Variants in UTY observed in about 807,000 individuals in gnomAD.
The protein encoded by UTY is histone demethylase UTY.
A neutral mutation model predicts 32.5 loss-of-function variants in UTY; 12 were observed. The ratio of observed to expected loss-of-function variants is 0.37; its 90% CI spans 0.24 to 0.60. The LOEUF (loss-of-function observed/expected upper bound fraction) is 0.60, where lower values mean the gene tolerates loss of function less well. Among genes scored for constraint, UTY ranks in the 20% least tolerant of loss-of-function variants. The pLI is 0.69. For synonymous variants in UTY, 131 were observed against 103.4 expected, an observed-to-expected ratio of 1.27 and a Z score of -1.62; for missense variants, 303 against 299.2, an observed-to-expected ratio of 1.01 and a Z score of -0.09.
chrY:13,423,152 T>C, intron 4 of UTY, among the ~76,000 whole-genome samples: 1 of 33,032 alleles, frequency 3.0e-5, no homozygotes, highest in Non-Finnish European at 7.4e-5. Flanking sequence ...AGACAGGGTA[T>C]TGCTGAAGGC....
chrY:13,405,215 CT>C (rs2069726490), intron 6 of UTY, among the ~76,000 whole-genome samples: 1 of 32,943 alleles, frequency 3.0e-5, no homozygotes, highest in Non-Finnish European at 7.5e-5. Context: ...TATCATTTCG[CT>C]TAAAGCTGAA....
intron 27 of UTY, among the ~76,000 whole-genome samples, chrY:13,289,401 C>T (rs2057621335): frequency 2.9e-5 from 1 of 34,310 alleles, no homozygotes; most frequent in African/African-American, 1.1e-4. Context: ...AGTTAAAAAT[C>T]AGCTCATAAC....
At chrY:13,239,946 A>G in intron 28 of UTY, among the ~76,000 whole-genome samples, 2 of 33,440 alleles carry the variant, frequency 6.0e-5, no homozygotes, top group Non-Finnish European at 1.5e-4. Context: ...ACCACTACAG[A>G]TAACTGCCAA....
chrY:13,296,262 CA>C (rs2058026987), intron 27 of UTY, among the ~76,000 whole-genome samples: 3 of 34,000 alleles, frequency 8.8e-5, no homozygotes, highest in Non-Finnish European at 2.2e-4. Flanking sequence ...TGAGGTGGCT[CA>C]GGGCAGCAAT....
intron 28 of UTY, among the ~76,000 whole-genome samples, chrY:13,255,013 G>GATGT (rs2054580910): frequency 3.0e-5 from 1 of 33,266 alleles, no homozygotes; most frequent in East Asian, 7.9e-4. Context: ...TACAGGAGCG[G>GATGT]ACATTTCAAT....
intron 3 of UTY, among the ~76,000 whole-genome samples, chrY:13,454,058 C>T: frequency 4.7e-5 from 1 of 21,277 alleles, no homozygotes; most frequent in Non-Finnish European, 9.2e-5. Context: ...CCTGTCTCTA[C>T]CAAAAAAAAA....
chrY:13,246,880 G>GAA (rs1556220098), downstream of UTY, among the ~76,000 whole-genome samples: 1 of 2,327 alleles, frequency 4.3e-4, no homozygotes, highest in African/African-American at 2.9e-3. Context: ...TCTGTCTCAG[G>GAA]AAAAAAAAAA....
At chrY:13,408,158 T>G (rs965495038) in intron 6 of UTY, among the ~76,000 whole-genome samples, 3 of 32,633 alleles carry the variant, frequency 9.2e-5, no homozygotes, top group African/African-American at 2.4e-4. Context: ...AAGACAGCAA[T>G]GGAAATTTTG....
chrY:13,269,258 C>T, intron 27 of UTY, among the ~76,000 whole-genome samples: 1 of 33,158 alleles, frequency 3.0e-5, no homozygotes, highest in South Asian at 6.8e-4. Context: ...TGTCGAGCTG[C>T]AGTGGATTCT....
At chrY:13,258,142 GC>G (rs2054937247) in intron 28 of UTY, among the ~76,000 whole-genome samples, 1 of 33,982 alleles carries the variant, frequency 2.9e-5, no homozygotes, top group African/African-American at 1.2e-4. Flanking sequence ...GAGGCATACT[GC>G]CCCCAAAAAC....
At chrY:13,318,554 G>A in intron 21 of UTY, among the ~76,000 whole-genome samples, 1 of 32,667 alleles carries the variant, frequency 3.1e-5, no homozygotes, top group East Asian at 7.8e-4. Context: ...GATTGGGTTT[G>A]ATATAAAAAA....
chrY:13,364,615 A>G, intron 10 of UTY, among the ~76,000 whole-genome samples: 1 of 33,449 alleles, frequency 3.0e-5, no homozygotes, highest in Admixed American at 2.7e-4. Flanking sequence ...TACAGGCATG[A>G]ACCACTATAC....
chrY:13,434,925 A>G (rs2074388404), intron 4 of UTY, among the ~76,000 whole-genome samples: 1 of 34,084 alleles, frequency 2.9e-5, no homozygotes, highest in African/African-American at 1.1e-4. Context: ...GGCCAAATGA[A>G]CATAAAAAAT....
chrY:13,355,384 T>G lies in UTY; in HGVS notation c.1680A>C (p.Glu560Asp). ...TTCCAGTAGTTCGTACCTGAGCAACTTCTTTGTGTCTCATCTTCAAAAACA... is the reference window on the plus strand; with the variant it reads ...TTCCAGTAGTTCGTACCTGAGCAACGTCTTTGTGTCTCATCTTCAAAAACA... ...FVLMQQMRHK[E>D]VAQVRTTGIH... The change falls in exon 17 of 30, where the codon GAA becomes GAC. Residue 560 changes from glutamate to aspartate, a missense_variant. By Grantham distance (45) the Glu-to-Asp change is conservative (BLOSUM62 2). Transcript: ENST00000545955. 2.5e-6 allele frequency: 1 copy of G among 398,839 alleles called. No homozygotes were observed. The highest frequency in any genetic ancestry group is 3.5e-6 in the Non-Finnish European group (1 of 283,531).
At chrY:13,244,821 C>T, downstream of UTY, among the ~76,000 whole-genome samples, 1 of 33,519 alleles carries the variant, frequency 3.0e-5, no homozygotes, top group Non-Finnish European at 7.4e-5. Flanking sequence ...TAGCCCTAGA[C>T]AAGCTTATTC....
chrY:13,390,273 T>C (rs1053989964), intron 8 of UTY, among the ~76,000 whole-genome samples: 3 of 33,122 alleles, frequency 9.1e-5, no homozygotes, highest in Non-Finnish European at 2.2e-4. Flanking sequence ...CTAGGACTTC[T>C]AGTACTATGT....
intron 27 of UTY, among the ~76,000 whole-genome samples, chrY:13,296,433 C>G (rs974602341): frequency 4.7e-4 from 16 of 33,786 alleles, no homozygotes; most frequent in Non-Finnish European, 1.0e-3. Context: ...TCATGCTAAT[C>G]TCTCTACCAA....
At chrY:13,374,314 A>G in intron 8 of UTY, among the ~76,000 whole-genome samples, 1 of 33,094 alleles carries the variant, frequency 3.0e-5, no homozygotes, top group Admixed American at 2.8e-4. Flanking sequence ...TACAGGTGTG[A>G]GCCACCGTGC....
chrY:13,313,243 T>A, intron 21 of UTY, among the ~76,000 whole-genome samples: 2 of 33,994 alleles, frequency 5.9e-5, no homozygotes, highest in Non-Finnish European at 1.5e-4. Context: ...AAAGAGTCAG[T>A]GCCCTCACAT....
Sources: allele counts gnomAD v4.1 joint callset (sites outside exome capture counted in the v4.1 genomes callset), GRCh38; gene constraint gnomAD v4.1.1; transcripts MANE v1.5; gene names NCBI Gene and HGNC (gene_info 2026-07-23, HGNC 2026-07-21).